The following KCTD16 variants were observed in gnomAD, a reference collection of about 807,000 sequenced individuals.
KCTD16 encodes BTB/POZ domain-containing protein KCTD16.
Under a neutral mutation model 33.2 loss-of-function variants are expected in KCTD16, and 13 were observed. That is an observed-to-expected ratio of 0.39 (90% CI 0.25 to 0.62). KCTD16 has a LOEUF of 0.62. Among genes scored for constraint, KCTD16 ranks in the 20% least tolerant of loss-of-function variants. KCTD16 has a pLI of 0.50. For synonymous variants in KCTD16, 197 were observed against 195.3 expected (o/e 1.01, Z -0.07); for missense variants, 441 against 525.1 (o/e 0.84, Z 1.57).
chr5:144,322,928 G>T (rs1426099067), intron 3 of KCTD16, among the ~76,000 whole-genome samples: 1 of 151,992 alleles, frequency 6.6e-6, no homozygotes, highest in Non-Finnish European at 1.5e-5. Context: ...TTATTGTGGA[G>T]AATTTTAAAC....
At chr5:144,431,399 T>A (rs1753459262) in intron 3 of KCTD16, among the ~76,000 whole-genome samples, 1 of 152,206 alleles carries the variant, frequency 6.6e-6, no homozygotes, top group East Asian at 1.9e-4. Flanking sequence ...AATGACCGAC[T>A]TAAAGTCTAT....
intron 3 of KCTD16, among the ~76,000 whole-genome samples, chr5:144,234,132 G>A (rs1754181578): frequency 6.6e-6 from 1 of 152,132 alleles, no homozygotes; most frequent in Admixed American, 6.6e-5. Flanking sequence ...AACAGGTGCT[G>A]TATTAGCAGC....
chr5:144,389,941 G>C (rs1192501333), intron 3 of KCTD16, among the ~76,000 whole-genome samples: 2 of 152,168 alleles, frequency 1.3e-5, no homozygotes, highest in African/African-American at 4.8e-5. Context: ...TCACAGGAGC[G>C]ATGACCTAAT....
At chr5:144,246,243 C>T (rs545404576) in intron 3 of KCTD16, among the ~76,000 whole-genome samples, 4 of 152,078 alleles carry the variant, frequency 2.6e-5, no homozygotes, top group Non-Finnish European at 5.9e-5. Context: ...CAGAGTGGGG[C>T]TTGTAAGTTT....
At chr5:144,441,772 G>GC (rs1338366540) in intron 3 of KCTD16, among the ~76,000 whole-genome samples, 41 of 111,878 alleles carry the variant, frequency 3.7e-4, no homozygotes, top group Non-Finnish European at 3.0e-4. Context: ...CTCTAAATTT[G>GC]TTTTTTTTTT....
chr5:144,181,553 T>C (rs1752626630), intron 2 of KCTD16, among the ~76,000 whole-genome samples: 1 of 152,162 alleles, frequency 6.6e-6, no homozygotes, highest in Admixed American at 6.6e-5. Flanking sequence ...GAATAAAAAA[T>C]TTGTTGTTGG....
At position 144,474,004 on chromosome 5, in the gene KCTD16, G is replaced by A. The variant is rs746593076; in HGVS notation, c.1177G>A (p.Glu393Lys). 1.9e-6 allele frequency: 3 copies of A among 1,614,084 alleles called. No individual in the cohort carries two copies. Among genetic ancestry groups the A allele is most frequent in the Non-Finnish European group, 2.5e-6 (3 of 1,179,988 alleles). ...KAVKEKLSIE[E>K]ELEKCIQDFL... Reference sequence around the variant, plus strand: ...TGTTAAAGAAAAGCTCTCAATTGAGGAGGAGCTGGAGAAATGTATCCAGGA... The same window carrying A: ...TGTTAAAGAAAAGCTCTCAATTGAGAAGGAGCTGGAGAAATGTATCCAGGA... Residue 393 changes from glutamate (E) to lysine (K), a missense_variant, in exon 4 of 4, where the codon GAG becomes AAG. Physicochemically the swap from Glu to Lys is moderately conservative, Grantham distance 56. Around this residue, in one of 3 missense-constraint regions of KCTD16, gnomAD observed 355 missense variants for 413.0 expected, o/e 0.86. Coordinates refer to ENST00000512467, the MANE Select transcript of KCTD16 (RefSeq NM_020768.4).
At chr5:144,252,804 C>T (rs1278447737) in intron 3 of KCTD16, among the ~76,000 whole-genome samples, 1 of 151,672 alleles carries the variant, frequency 6.6e-6, no homozygotes, top group Non-Finnish European at 1.5e-5. Context: ...TTTCATCTCT[C>T]TCTAATTATC....
At chr5:144,290,949 A>G (rs1469390133) in intron 3 of KCTD16, among the ~76,000 whole-genome samples, 3 of 152,250 alleles carry the variant, frequency 2.0e-5, no homozygotes, top group Non-Finnish European at 4.4e-5. Context: ...TTCTTGGTTC[A>G]AAAGTATTTT....
chr5:144,307,463 C>A (rs1361206336), intron 3 of KCTD16, among the ~76,000 whole-genome samples: 2 of 152,120 alleles, frequency 1.3e-5, no homozygotes, highest in African/African-American at 2.4e-5. Context: ...TAATAATGAT[C>A]ATTTATTGGG....
chr5:144,409,362 T>G (rs746217907), intron 3 of KCTD16, among the ~76,000 whole-genome samples: 13 of 152,184 alleles, frequency 8.5e-5, no homozygotes, highest in Admixed American at 2.6e-4. Context: ...GAAACTTTAT[T>G]TCAGATCCTC....
intron 3 of KCTD16, among the ~76,000 whole-genome samples, chr5:144,331,335 C>A (rs763804812): frequency 2.6e-5 from 4 of 152,126 alleles, no homozygotes; most frequent in Non-Finnish European, 4.4e-5. Context: ...CAGGACTGGC[C>A]ATTTCAGTAA....
At chr5:144,189,223 C>T (rs909379729) in intron 2 of KCTD16, among the ~76,000 whole-genome samples, 6 of 152,032 alleles carry the variant, frequency 3.9e-5, no homozygotes, top group African/African-American at 1.2e-4. Context: ...AAATGCAGAG[C>T]AGGTCACGCC....
In KCTD16 at chr5:144,481,962, T is replaced by C. The variant is rs1754712044; in HGVS notation, c.*7848T>C. On this transcript the variant is annotated 3_prime_UTR_variant, in exon 4 of 4. Transcript: ENST00000512467. Reference sequence around the variant, plus strand: ...TTAATCCTATCATAATCCAATGAAGTAAGCCCTACCACTATCCTCTCTTTA... The same window carrying C: ...TTAATCCTATCATAATCCAATGAAGCAAGCCCTACCACTATCCTCTCTTTA... 6.6e-6 allele frequency: 1 copy of C among 151,978 alleles called. No homozygotes were observed. The highest frequency in any genetic ancestry group is 2.4e-5 in the African/African-American group (1 of 41,416). 9.4% of individuals were successfully genotyped at this position (151,978 alleles called of 1,614,324 possible).
intron 3 of KCTD16, among the ~76,000 whole-genome samples, chr5:144,296,261 C>A (rs1756033389): frequency 6.6e-6 from 1 of 152,186 alleles, no homozygotes; most frequent in African/African-American, 2.4e-5. Flanking sequence ...CCAGCAATAG[C>A]ATCTGCTGCA....
chr5:144,471,986 A>C lies in KCTD16; in HGVS notation c.833-1674A>C, dbSNP rs1754486237. Reference sequence around the variant, plus strand: ...GGTATGTATGTTTAAATCATTTAATATGTAAAGAACAGACTTTATACAAGA... The same window carrying C: ...GGTATGTATGTTTAAATCATTTAATCTGTAAAGAACAGACTTTATACAAGA... On this transcript the variant is annotated intron_variant, in intron 3 of 3. Transcript: ENST00000512467. Among the ~76,000 whole-genome samples the C allele has an allele frequency of 2.0e-5, 3 of 152,334 alleles. No individual in the cohort carries two copies. The South Asian group carries it at 6.2e-4, about 32-fold the overall frequency.
chr5:144,337,374 A>G (rs74670076), intron 3 of KCTD16, among the ~76,000 whole-genome samples: 1 of 152,182 alleles, frequency 6.6e-6, no homozygotes, highest in Non-Finnish European at 1.5e-5. Context: ...CCAATTTCAC[A>G]AGAATTTTCT....
At chr5:144,225,051 G>C (rs547576662) in intron 3 of KCTD16, among the ~76,000 whole-genome samples, 1 of 152,070 alleles carries the variant, frequency 6.6e-6, no homozygotes, top group Admixed American at 6.6e-5. Context: ...GCCCTGACCC[G>C]AATTCTGGCA....
intron 3 of KCTD16, among the ~76,000 whole-genome samples, chr5:144,223,315 AGTAGATAGTAG>A (rs888123096): frequency 1.8e-4 from 27 of 152,278 alleles, no homozygotes; most frequent in Non-Finnish European, 3.4e-4. Context: ...TGTATAAAAA[AGTAGATAGTAG>A]AAAGTTAAAA....
Sources: gnomAD v4.1 joint callset for allele counts (sites outside exome capture counted in the v4.1 genomes callset) on GRCh38, gnomAD v4.1.1 for gene constraint, gnomAD v4.1.1 regional missense constraint, MANE v1.5 for transcripts, NCBI Gene and HGNC (gene_info 2026-07-23, HGNC 2026-07-21) for gene names.